Variants in RGS5 observed in about 807,000 individuals in gnomAD.
RGS5 encodes the protein regulator of G-protein signalling 5.
In RGS5, 20 loss-of-function variants were observed where a neutral mutation model predicts 18.9. That is an observed-to-expected ratio of 1.06 (90% CI 0.74 to 1.54). The LOEUF (loss-of-function observed/expected upper bound fraction) is 1.54. RGS5 is among the 40% of genes most tolerant of loss of function. The probability of loss-of-function intolerance (pLI) is 0.00; values close to 1 mark genes in which losing one functional copy is unlikely to be tolerated. For missense variants in RGS5, 201 were observed against 211.8 expected, an observed-to-expected ratio of 0.95 and a Z score of 0.32; for synonymous variants, 57 against 76.2, an observed-to-expected ratio of 0.75 and a Z score of 1.31.
Position 163,173,499 on chromosome 1 carries a change from G to A in RGS5, c.45-5131C>T, listed in dbSNP as rs115587898. On this transcript the variant is annotated intron_variant, in intron 1 of 4. Coordinates refer to ENST00000313961, the MANE Select transcript of RGS5 (RefSeq NM_003617.4). ...CCACCTCAGTCCTTCCTGCTAGTGC[G>A]TGAATTTAATGGGTTATCACCTTAA... Among the ~76,000 whole-genome samples the A allele has an allele frequency of 4.9e-3, 750 of 152,256 alleles. 4 individuals carry two copies. Among genetic ancestry groups the A allele is most frequent in the African/African-American group, 0.017 (709 of 41,552 alleles).
chr1:163,241,352 A>G (rs1339641473), intron 2 of RGS5, among the ~76,000 whole-genome samples: 2 of 152,152 alleles, frequency 1.3e-5, no homozygotes, highest in African/African-American at 4.8e-5. Context: ...TTTGAAATAT[A>G]TTATCTTCTG....
rs549373856 is a variant in RGS5 at position 163,262,078 on chromosome 1, G to C, written c.-281+44155C>G. Among the ~76,000 whole-genome samples the C allele has an allele frequency of 7.9e-5, 12 of 151,026 alleles. No individual in the cohort carries two copies. The South Asian group carries it at 2.5e-3, about 32-fold the overall frequency. On this transcript the variant is annotated intron_variant, in intron 2 of 5. Coordinates refer to the RGS5 transcript ENST00000618415. ...CGAGGAGGCAGTAGTCAAATGGGCTGACATGGTTAGTACTGGAATTGAGAA... is the reference window on the plus strand; with the variant it reads ...CGAGGAGGCAGTAGTCAAATGGGCTCACATGGTTAGTACTGGAATTGAGAA...
intron 1 of RGS5, among the ~76,000 whole-genome samples, chr1:163,317,502 T>C (rs1650058905): frequency 6.6e-6 from 1 of 152,236 alleles, no homozygotes; most frequent in Admixed American, 6.5e-5. Context: ...TTTCTTTCCC[T>C]GGATTACTAC....
At chr1:163,206,406 C>T (rs1659955724), upstream of RGS5, among the ~76,000 whole-genome samples, 2 of 152,000 alleles carry the variant, frequency 1.3e-5, no homozygotes, top group South Asian at 4.2e-4. Flanking sequence ...AGAGGACTCT[C>T]ATGTCCATTA....
At chr1:163,204,051 T>G (rs773570384), upstream of RGS5, among the ~76,000 whole-genome samples, 3 of 152,192 alleles carry the variant, frequency 2.0e-5, no homozygotes, top group Non-Finnish European at 4.4e-5. Flanking sequence ...AATGACTCCC[T>G]CTTTATATAC....
At chr1:163,263,886 C>A (rs1648514059) in intron 2 of RGS5, among the ~76,000 whole-genome samples, 1 of 150,620 alleles carries the variant, frequency 6.6e-6, no homozygotes, top group Non-Finnish European at 1.5e-5. Flanking sequence ...ATTTCCTGAT[C>A]CTGTCACCTG....
rs377632373 is a variant in RGS5 at position 163,208,106 on chromosome 1, A to T, written c.69+9420T>A. Among the ~76,000 whole-genome samples the T allele has an allele frequency of 9.2e-5, 14 of 152,180 alleles. No homozygotes were observed. The South Asian group carries it at 2.9e-3, about 32-fold the overall frequency. On this transcript the variant is annotated intron_variant, in intron 1 of 5. Transcript: ENST00000367903. ...CTTACAAATAAAACCCAGCCTGGTTAACAAAGTGAGACCCCATCTCTACAA... is the reference window on the plus strand; with the variant it reads ...CTTACAAATAAAACCCAGCCTGGTTTACAAAGTGAGACCCCATCTCTACAA...
intron 3 of RGS5, among the ~76,000 whole-genome samples, chr1:163,152,980 C>T (rs1336140001): frequency 6.6e-6 from 1 of 152,180 alleles, no homozygotes; most frequent in Non-Finnish European, 1.5e-5. Flanking sequence ...AGATTTACCA[C>T]ATTGTCTTTC....
chr1:163,288,058 T>C (rs996961285), intron 2 of RGS5, among the ~76,000 whole-genome samples: 4 of 152,006 alleles, frequency 2.6e-5, no homozygotes, highest in African/African-American at 9.7e-5. Flanking sequence ...AACGTATTAA[T>C]TTTTTTTCTA....
chr1:163,241,241 T>G (rs1401459174), intron 2 of RGS5, among the ~76,000 whole-genome samples: 1 of 152,146 alleles, frequency 6.6e-6, no homozygotes, highest in Non-Finnish European at 1.5e-5. Context: ...TAATGGCAGA[T>G]TGTTGTTGTT....
intron 1 of RGS5, among the ~76,000 whole-genome samples, chr1:163,180,915 C>T (rs1233132330): frequency 6.6e-6 from 1 of 151,754 alleles, no homozygotes; most frequent in Non-Finnish European, 1.5e-5. Flanking sequence ...AGGATGGTCT[C>T]GATATCCCGA....
chr1:163,222,374 C>T (rs559215311), upstream of RGS5, among the ~76,000 whole-genome samples: 11 of 152,152 alleles, frequency 7.2e-5, no homozygotes, highest in African/African-American at 2.6e-4. Flanking sequence ...ACAGTTTCAT[C>T]CCCAAACCAC....
chr1:163,230,500 G>A (rs536113500), intron 2 of RGS5, among the ~76,000 whole-genome samples: 3 of 152,156 alleles, frequency 2.0e-5, no homozygotes, highest in Non-Finnish European at 4.4e-5. Flanking sequence ...GTCCACATAG[G>A]CTGATTTGTT....
upstream of RGS5, among the ~76,000 whole-genome samples, chr1:163,204,709 G>C (rs1659900953): frequency 6.6e-6 from 1 of 152,112 alleles, no homozygotes; most frequent in Non-Finnish European, 1.5e-5. Context: ...GTAAACATCA[G>C]CAAATCAATT....
chr1:163,157,313 G>A (rs1173591601), intron 3 of RGS5, among the ~76,000 whole-genome samples: 2 of 152,106 alleles, frequency 1.3e-5, no homozygotes, highest in African/African-American at 2.4e-5. Context: ...CTGTTTATAC[G>A]CCCAACGTGC....
chr1:163,283,971 A>G (rs893503779), intron 2 of RGS5, among the ~76,000 whole-genome samples: 1 of 152,202 alleles, frequency 6.6e-6, no homozygotes, highest in Admixed American at 6.5e-5. Flanking sequence ...CAGCTAAGCC[A>G]TATCCAGACT....
intron 2 of RGS5, among the ~76,000 whole-genome samples, chr1:163,245,540 C>G (rs1021948042): frequency 4.6e-5 from 7 of 152,136 alleles, no homozygotes; most frequent in Non-Finnish European, 1.0e-4. Context: ...AATCAGGAAC[C>G]AAGGTTTTTG....
At chr1:163,248,997 T>A (rs1648026125) in intron 2 of RGS5, among the ~76,000 whole-genome samples, 1 of 152,222 alleles carries the variant, frequency 6.6e-6, no homozygotes, top group Admixed American at 6.5e-5. Flanking sequence ...GAAAAAGCCC[T>A]GTTCCTTCTT....
upstream of RGS5, chr1:163,206,656 A>T (rs1571290210): frequency 6.6e-6 from 1 of 152,146 alleles, no homozygotes; most frequent in Non-Finnish European, 1.5e-5. Context: ...AAAGGGCTTG[A>T]GGGAGGGGGT....
Sources: allele counts gnomAD v4.1 joint callset (sites outside exome capture counted in the v4.1 genomes callset), GRCh38; gene constraint gnomAD v4.1.1; transcripts MANE v1.5; gene names NCBI Gene and HGNC (gene_info 2026-07-23, HGNC 2026-07-21).